The following NCAPG variants were observed in gnomAD, a reference collection of about 807,000 sequenced individuals.
NCAPG encodes the protein condensin complex subunit 3.
NCAPG carries 69 observed loss-of-function variants against 113.1 expected under a neutral mutation model. The ratio of observed to expected loss-of-function variants is 0.61; its 90% CI spans 0.50 to 0.75. NCAPG has a LOEUF of 0.75. NCAPG is among the 30% of genes least tolerant of loss of function. The pLI is 0.00. For missense variants in NCAPG, 1,058 were observed against 1,177.0 expected, an observed-to-expected ratio of 0.90 and a Z score of 1.48; for synonymous variants, 370 against 415.8, an observed-to-expected ratio of 0.89 and a Z score of 1.34.
chr4:17,813,172 T>A (rs2109042197), intron 3 of NCAPG, 27 bp downstream of exon 3: 2 of 1,553,180 alleles, frequency 1.3e-6, no homozygotes, highest in East Asian at 2.3e-5. Flanking sequence ...AAATCTTTTT[T>A]CAGATTTGTT....
chr4:17,814,938 G>A lies in NCAPG; in HGVS notation c.630G>A (p.Leu210=). 1 of 1,614,214 alleles carries A rather than the reference G, an allele frequency of 6.2e-7. No individual in the cohort carries two copies. The change falls in exon 4 of 21, where the codon TTG becomes TTA. Residue 210 remains leucine, a synonymous_variant. Coordinates refer to ENST00000251496, the MANE Select transcript of NCAPG (RefSeq NM_022346.5). ...GTATTGCACCATCAGCAAAGACTTT[G>A]CCAAAAATTGTAGGGCGCACCAAGG... ...LSCIAPSAKT[L]PKIVGRTKDV...
intron 3 of NCAPG, among the ~76,000 whole-genome samples, chr4:17,813,687 C>G (rs1359130949): frequency 6.6e-6 from 1 of 152,020 alleles, no homozygotes; most frequent in Non-Finnish European, 1.5e-5. Flanking sequence ...TTGTTTCACT[C>G]CCTTTGGGGT....
intron 4 of NCAPG, 133 bp downstream of exon 4, chr4:17,815,131 A>G: frequency 7.7e-7 from 1 of 1,298,062 alleles, no homozygotes; most frequent in Non-Finnish European, 1.1e-6. Flanking sequence ...CAGGTAATTT[A>G]GGTAGAATCT....
At chr4:17,840,793 G>T (rs1722333687) in intron 19 of NCAPG, 100 bp downstream of exon 19, 5 of 662,606 alleles carry the variant, frequency 7.5e-6, no homozygotes, top group South Asian at 1.1e-4. Flanking sequence ...GTTTCCTTAG[G>T]GATAAAGATT....
chr4:17,817,678 C>T (rs1359795700), intron 6 of NCAPG, among the ~76,000 whole-genome samples: 2 of 152,092 alleles, frequency 1.3e-5, no homozygotes, highest in South Asian at 2.1e-4. Context: ...GCTTTTCCCC[C>T]CTTCAGTTTC....
In NCAPG at chr4:17,813,096, G is replaced by T. The variant is rs754981968; in HGVS notation, c.495G>T (p.Ala165=). ...ATGTGAGAATACAGGCAGTTCTGGC[G>T]CTTTCACGACTTCAGGATCCCAAGG... ...IPNVRIQAVL[A]LSRLQDPKDD... Residue 165 remains alanine (A), a synonymous_variant, in exon 3 of 21, where the codon GCG becomes GCT. Coordinates refer to ENST00000251496, the MANE Select transcript of NCAPG (RefSeq NM_022346.5). 1 of 1,614,012 alleles carries T rather than the reference G, an allele frequency of 6.2e-7. No individual in the cohort carries two copies. The highest frequency in any genetic ancestry group is 8.5e-7 in the Non-Finnish European group (1 of 1,179,916).
At position 17,811,279 on chromosome 4, in the gene NCAPG, G is replaced by A; in HGVS notation, c.111+91G>A. The A allele has an allele frequency of 1.4e-6, 1 of 706,396 alleles. No individual in the cohort carries two copies. Among genetic ancestry groups the A allele is most frequent in the South Asian group, 2.1e-5 (1 of 48,098 alleles). The allele number at this position is 706,396 out of a possible 1,614,324, so 43.8% of individuals were successfully genotyped here. ...CCGTGGCCCTCGGGCTCGGCGCACC[G>A]TGACTCCAGCCTTGTTCACCTTCGC... On this transcript the variant is annotated intron_variant, in intron 1 of 20. Coordinates refer to ENST00000251496, the MANE Select transcript of NCAPG (RefSeq NM_022346.5). This position sits in a 1 kb window ranked among gnomAD's most constrained non-coding sequence, Gnocchi z 5.3.
chr4:17,834,531 A>G lies in NCAPG; in HGVS notation c.2109+8A>G. ...GATTTCTTAGATAGTGAGGTAAGAAATAATCCAGTCCTGTGATTATGAAAT... is the reference window on the plus strand; with the variant it reads ...GATTTCTTAGATAGTGAGGTAAGAAGTAATCCAGTCCTGTGATTATGAAAT... On this transcript the variant is annotated splice_region_variant and intron_variant, in intron 14 of 20. Coordinates refer to ENST00000251496, the MANE Select transcript of NCAPG (RefSeq NM_022346.5). 1 of 1,532,060 alleles carries G rather than the reference A, an allele frequency of 6.5e-7. No individual in the cohort carries two copies. The highest frequency in any genetic ancestry group is 8.9e-7 in the Non-Finnish European group (1 of 1,127,852). The allele number at this position is 1,532,060 out of a possible 1,614,324, so 94.9% of individuals were successfully genotyped here. A position where few individuals can be genotyped will look rare whatever the true frequency, so the allele number is the denominator to read the frequency against.
rs766141943 is a variant in NCAPG at position 17,817,344 on chromosome 4, C to G, written c.859C>G (p.Arg287Gly). ...AGGAAATATCTTAGAGTTGCTCCAT[C>G]GGTTGGATGTAGAAAATTCTTCTGA... ...SEGNILELLH[R>G]LDVENSSEVA... The change falls in exon 6 of 21, where the codon CGG (arginine) becomes GGG (glycine). Residue 287 changes from arginine (R) to glycine (G), a missense_variant. Coordinates refer to ENST00000251496, the MANE Select transcript of NCAPG (RefSeq NM_022346.5). 6.2e-7 allele frequency: 1 copy of G among 1,613,882 alleles called. No individual in the cohort carries two copies.
Position 17,841,663 on chromosome 4 carries a change from T to G in NCAPG, c.2855-647T>G, listed in dbSNP as rs1320698744. 5 of 152,062 alleles carry G rather than the reference T, an allele frequency of 3.3e-5. No individual in the cohort carries two copies. The East Asian group carries it at 9.6e-4, about 29-fold the overall frequency. The allele number at this position is 152,062 out of a possible 1,614,324, so 9.4% of individuals were successfully genotyped here. A position where few individuals can be genotyped will look rare whatever the true frequency, so the allele number is the denominator to read the frequency against. Reference sequence around the variant, plus strand: ...TTTTTAATAGACCAAACTTCATATATTCATATTGTTTTATTCCTTATAAAT... The same window carrying G: ...TTTTTAATAGACCAAACTTCATATAGTCATATTGTTTTATTCCTTATAAAT... On this transcript the variant is annotated intron_variant, in intron 19 of 20. Coordinates refer to ENST00000251496, the MANE Select transcript of NCAPG (RefSeq NM_022346.5).
rs760503040 is a variant in NCAPG at position 17,817,210 on chromosome 4, A to G, written c.776-51A>G. 2.3e-6 allele frequency: 3 copies of G among 1,331,862 alleles called. No homozygotes were observed. In the East Asian group the frequency reaches 6.9e-5, roughly 30 times the overall value. 82.5% of individuals were successfully genotyped at this position (1,331,862 alleles called of 1,614,324 possible). On this transcript the variant is annotated intron_variant, in intron 5 of 20. Transcript: ENST00000251496. ...AATTAAAACAGACAAAATACAAGAG[A>G]TGGAAGCTAGAGGGAGCCTTTGTTC...
At chr4:17,814,060 T>C (rs1721100512) in intron 3 of NCAPG, among the ~76,000 whole-genome samples, 1 of 152,152 alleles carries the variant, frequency 6.6e-6, no homozygotes, top group African/African-American at 2.4e-5. Flanking sequence ...ATATAAGAAA[T>C]GGGTTTGTTT....
chr4:17,811,087 G>T lies in NCAPG; in HGVS notation c.10G>T (p.Glu4Ter). ...GCAGGGTTCCAGAGCCATGGGAGCG[G>T]AAAGGAGGCTGCTGTCGATTAAGGA... MGA[E>*]RRLLSIKEAF... Residue 4 changes from glutamate (E) to a stop codon, truncating the protein, a stop_gained, in exon 1 of 21, where the codon GAA becomes TAA. Coordinates refer to ENST00000251496, the MANE Select transcript of NCAPG (RefSeq NM_022346.5). LOFTEE classifies it high-confidence loss of function. This position sits in a 1 kb window ranked among gnomAD's most constrained non-coding sequence, Gnocchi z 5.3. 1 of 1,520,554 alleles carries T rather than the reference G, an allele frequency of 6.6e-7. No individual in the cohort carries two copies. The highest frequency in any genetic ancestry group is 8.8e-7 in the Non-Finnish European group (1 of 1,133,046). 94.2% of individuals were successfully genotyped at this position (1,520,554 alleles called of 1,614,324 possible). A position where few individuals can be genotyped will look rare whatever the true frequency, so the allele number is the denominator to read the frequency against.
In NCAPG at chr4:17,811,267, G is replaced by T; in HGVS notation, c.111+79G>T. 3 of 839,976 alleles carry T rather than the reference G, an allele frequency of 3.6e-6. No homozygotes were observed. The South Asian group carries it at 5.8e-5, about 16-fold the overall frequency. 52.0% of individuals were successfully genotyped at this position (839,976 alleles called of 1,614,324 possible). On this transcript the variant is annotated intron_variant, in intron 1 of 20. Transcript: ENST00000251496. The surrounding 1 kb of genome is among the most constrained non-coding windows in gnomAD (Gnocchi z 5.3). ...CTCAGGGGCCCTCCGTGGCCCTCGG[G>T]CTCGGCGCACCGTGACTCCAGCCTT...
chr4:17,843,649 T>G lies in NCAPG; in HGVS notation c.*224T>G. The G allele has an allele frequency of 5.6e-6, 2 of 360,046 alleles. No individual in the cohort carries two copies. Among genetic ancestry groups the G allele is most frequent in the Non-Finnish European group, 1.0e-5 (2 of 191,660 alleles). The allele number at this position is 360,046 out of a possible 1,614,324, so 22.3% of individuals were successfully genotyped here. A position where few individuals can be genotyped will look rare whatever the true frequency, so the allele number is the denominator to read the frequency against. The stretch of plus-strand genomic sequence containing the variant: ...TCAGTCACACAGATTTATCACAATC[T>G]GAGGTGGGCCTAGGAATCTCATTTT... On this transcript the variant is annotated 3_prime_UTR_variant, in exon 21 of 21. Coordinates refer to ENST00000251496, the MANE Select transcript of NCAPG (RefSeq NM_022346.5).
At chr4:17,831,756 T>G (rs1721879293) in intron 13 of NCAPG, among the ~76,000 whole-genome samples, 1 of 152,072 alleles carries the variant, frequency 6.6e-6, no homozygotes, top group Admixed American at 6.6e-5. Flanking sequence ...AAGGGAAGAA[T>G]AATAGGAAAA....
chr4:17,823,749 T>C lies in NCAPG; in HGVS notation c.1362T>C (p.Asp454=). 6.3e-7 allele frequency: 1 copy of C among 1,598,036 alleles called. No individual in the cohort carries two copies. ...AAAGACTACTCCACATCATTATAGA[T>C]GATAATAAGAGAACACAAATTGTAA... The part of the protein sequence containing the change: ...LVERLLHIII[D]DNKRTQIVTE... Residue 454 remains aspartate, a synonymous_variant, in exon 9 of 21, where the codon GAT becomes GAC. Transcript: ENST00000251496.
intron 7 of NCAPG, among the ~76,000 whole-genome samples, chr4:17,821,115 T>G (rs1721439837): frequency 6.6e-6 from 1 of 152,006 alleles, no homozygotes; most frequent in African/African-American, 2.4e-5. Context: ...CTGTTTGAAT[T>G]TACTTAAAAA....
At chr4:17,812,547 C>G (rs989860673) in intron 2 of NCAPG, 123 bp downstream of exon 2, 1 of 709,552 alleles carries the variant, frequency 1.4e-6, no homozygotes, top group Non-Finnish European at 2.4e-6. Flanking sequence ...CTGAATGAGT[C>G]TACCTTTCAT....
Sources: allele counts gnomAD v4.1 joint callset (sites outside exome capture counted in the v4.1 genomes callset), GRCh38; gene constraint gnomAD v4.1.1; non-coding constraint Gnocchi (gnomAD v3.1); transcripts MANE v1.5; gene names NCBI Gene and HGNC (gene_info 2026-07-23, HGNC 2026-07-21).